Variants in RBFOX1 observed in about 807,000 individuals in gnomAD.
RBFOX1 encodes RNA binding protein fox-1 homolog 1.
RBFOX1 carries 8 observed loss-of-function variants against 57.7 expected under a neutral mutation model. The observed-to-expected ratio is 0.14, with a 90% CI of 0.08 to 0.25. The LOEUF is 0.25. RBFOX1 is among the 10% of genes least tolerant of loss of function. RBFOX1 has a pLI of 1.00. For missense variants in RBFOX1, 611 were observed against 548.5 expected (o/e 1.11, Z -1.14); for synonymous variants, 326 against 222.4 (o/e 1.47, Z -4.15).
intron 4 of RBFOX1, among the ~76,000 whole-genome samples, chr16:7,145,806 T>A (rs760798291): frequency 1.3e-5 from 2 of 152,174 alleles, no homozygotes; most frequent in Non-Finnish European, 2.9e-5. Flanking sequence ...TCTCTGTTTG[T>A]GTTCCCGCAC....
At chr16:7,315,767 GATTTTTGT>G (rs779213755) in intron 4 of RBFOX1, among the ~76,000 whole-genome samples, 5 of 152,024 alleles carry the variant, frequency 3.3e-5, no homozygotes, top group African/African-American at 7.3e-5. Context: ...ATATTGTACT[GATTTTTGT>G]ATTTTTGTTT....
At chr16:7,491,486 C>G (rs970002408) in intron 4 of RBFOX1, among the ~76,000 whole-genome samples, 2 of 151,518 alleles carry the variant, frequency 1.3e-5, no homozygotes, top group African/African-American at 4.8e-5. Flanking sequence ...TGTGATCCCT[C>G]TGATTTTCAG....
intron 5 of RBFOX1, among the ~76,000 whole-genome samples, chr16:7,572,098 G>T (rs1046363802): frequency 6.6e-6 from 1 of 152,158 alleles, no homozygotes; most frequent in African/African-American, 2.4e-5. Flanking sequence ...TTGCACTCCA[G>T]CCTGGGTGAC....
At chr16:7,498,206 ATC>A (rs1359884756) in intron 4 of RBFOX1, among the ~76,000 whole-genome samples, 2 of 152,146 alleles carry the variant, frequency 1.3e-5, no homozygotes, top group Non-Finnish European at 2.9e-5. Context: ...TTCTGGATAT[ATC>A]TCCATAAGTC....
At chr16:7,685,755 CTG>C (rs1177600674) in intron 14 of RBFOX1, among the ~76,000 whole-genome samples, 2 of 152,070 alleles carry the variant, frequency 1.3e-5, no homozygotes, top group African/African-American at 2.4e-5. Context: ...CTAAGACACA[CTG>C]TAACACTAAC....
At chr16:7,246,633 C>CTTTT (rs56654382) in intron 4 of RBFOX1, among the ~76,000 whole-genome samples, 3 of 105,496 alleles carry the variant, frequency 2.8e-5, no homozygotes, top group African/African-American at 4.3e-5. Context: ...TGGTCACCTC[C>CTTTT]TTTTTTTTTT....
intron 3 of RBFOX1, among the ~76,000 whole-genome samples, chr16:6,901,267 A>C (rs1392725534): frequency 6.6e-6 from 1 of 152,200 alleles, no homozygotes; most frequent in Non-Finnish European, 1.5e-5. Flanking sequence ...TTGCTTGTTC[A>C]TCTCTTCTGT....
intron 15 of RBFOX1, 24 bp downstream of exon 15, chr16:7,709,155 C>G (rs1488075741): frequency 6.3e-7 from 1 of 1,582,778 alleles, no homozygotes; most frequent in Middle Eastern, 1.7e-4. Flanking sequence ...TCTCCTTGTC[C>G]TCACTTCCTC....
At chr16:7,130,266 C>T (rs1216747044) in intron 4 of RBFOX1, among the ~76,000 whole-genome samples, 1 of 152,034 alleles carries the variant, frequency 6.6e-6, no homozygotes, top group Non-Finnish European at 1.5e-5. Flanking sequence ...AACTCCTGAC[C>T]TCAGGTGATC....
chr16:6,824,441 A>T (rs1184141264), intron 3 of RBFOX1, among the ~76,000 whole-genome samples: 3 of 152,218 alleles, frequency 2.0e-5, no homozygotes, highest in Admixed American at 6.5e-5. Context: ...CTGTCAAGGC[A>T]ACTCAAGATG....
chr16:7,178,980 G>A (rs542341831), intron 4 of RBFOX1, among the ~76,000 whole-genome samples: 1 of 152,218 alleles, frequency 6.6e-6, no homozygotes, highest in African/African-American at 2.4e-5. Flanking sequence ...AATTTTCGGT[G>A]GCAGTGCATA....
At chr16:6,183,723 T>C (rs2097085278) in intron 1 of RBFOX1, among the ~76,000 whole-genome samples, 1 of 152,068 alleles carries the variant, frequency 6.6e-6, no homozygotes, top group Admixed American at 6.6e-5. Context: ...CTTCTTGTCA[T>C]ATCCACAGCA....
At chr16:6,721,461 A>G (rs1376597702) in intron 3 of RBFOX1, among the ~76,000 whole-genome samples, 1 of 151,984 alleles carries the variant, frequency 6.6e-6, no homozygotes, top group East Asian at 1.9e-4. Flanking sequence ...CAACAACAAA[A>G]CCGTGTTAAC....
chr16:6,010,368 C>G (rs1430761406), intron 4 of RBFOX1, among the ~76,000 whole-genome samples: 2 of 152,180 alleles, frequency 1.3e-5, no homozygotes, highest in Admixed American at 6.5e-5. Context: ...GGTGAAAACT[C>G]TGGGGAGTAT....
chr16:5,530,130 A>C (rs573957424), intron 2 of RBFOX1, among the ~76,000 whole-genome samples: 2 of 152,270 alleles, frequency 1.3e-5, no homozygotes, highest in African/African-American at 4.8e-5. Flanking sequence ...TGGTAGCCCC[A>C]GTGGTCTCAT....
At chr16:6,367,138 A>C (rs1399480156) in intron 2 of RBFOX1, among the ~76,000 whole-genome samples, 1 of 152,226 alleles carries the variant, frequency 6.6e-6, no homozygotes, top group African/African-American at 2.4e-5. Context: ...CTAGGGCAAA[A>C]TGAATAAAGT....
intron 2 of RBFOX1, among the ~76,000 whole-genome samples, chr16:5,587,136 A>T (rs2046860073): frequency 3.3e-5 from 5 of 152,206 alleles, no homozygotes; most frequent in African/African-American, 7.2e-5. Context: ...CTTTAGGATA[A>T]GACACTGTTC....
At chr16:5,927,150 T>C (rs565426587) in intron 4 of RBFOX1, among the ~76,000 whole-genome samples, 15 of 152,260 alleles carry the variant, frequency 9.9e-5, no homozygotes, top group Non-Finnish European at 2.1e-4. Context: ...TTGGAAACTA[T>C]GATTATTTTT....
chr16:5,360,752 C>T (rs1191702786), intron 1 of RBFOX1, among the ~76,000 whole-genome samples: 2 of 152,238 alleles, frequency 1.3e-5, no homozygotes, highest in African/African-American at 2.4e-5. Context: ...GAAATGTCAA[C>T]AGCTGAAACT....
Sources: gnomAD v4.1 joint callset for allele counts (sites outside exome capture counted in the v4.1 genomes callset) on GRCh38, gnomAD v4.1.1 for gene constraint, MANE v1.5 for transcripts, NCBI Gene and HGNC (gene_info 2026-07-23, HGNC 2026-07-21) for gene names.